Variants in STPG2 observed in about 807,000 individuals in gnomAD.
STPG2 encodes sperm tail PG-rich repeat containing 2.
In STPG2, 56 loss-of-function variants were observed where a neutral mutation model predicts 54.2. That is an observed-to-expected ratio of 1.03 (90% CI 0.83 to 1.29). The LOEUF is 1.29. STPG2 is among the 50% of genes most tolerant of loss of function. The probability of loss-of-function intolerance (pLI) is 0.00; values close to 1 mark genes in which losing one functional copy is unlikely to be tolerated. For missense variants in STPG2, 596 were observed against 544.9 expected, an observed-to-expected ratio of 1.09 and a Z score of -0.93; for synonymous variants, 200 against 181.8, an observed-to-expected ratio of 1.10 and a Z score of -0.81.
intron 5 of STPG2, among the ~76,000 whole-genome samples, chr4:98,080,566 T>C (rs1413203914): frequency 6.6e-6 from 1 of 152,158 alleles, no homozygotes; most frequent in Admixed American, 6.5e-5. Context: ...CAAATATACA[T>C]ACATACACAC....
intron 4 of STPG2, among the ~76,000 whole-genome samples, chr4:97,529,428 T>C (rs926651691): frequency 2.0e-5 from 3 of 152,184 alleles, no homozygotes; most frequent in African/African-American, 7.2e-5. Flanking sequence ...ATCAGGAATA[T>C]TGGCCTGAAA....
chr4:97,838,239 A>G (rs563899049), intron 9 of STPG2, among the ~76,000 whole-genome samples: 2 of 151,504 alleles, frequency 1.3e-5, no homozygotes, highest in Admixed American at 6.6e-5. Context: ...AATAGGGTAA[A>G]GAAACTTCTT....
intron 5 of STPG2, among the ~76,000 whole-genome samples, chr4:98,026,865 GTT>G (rs1736440702): frequency 6.6e-6 from 1 of 152,130 alleles, no homozygotes; most frequent in African/African-American, 2.4e-5. Flanking sequence ...TACATAAGCT[GTT>G]TTAGTATAGA....
At chr4:98,093,055 T>A (rs1738737483) in intron 5 of STPG2, among the ~76,000 whole-genome samples, 2 of 152,206 alleles carry the variant, frequency 1.3e-5, no homozygotes. Context: ...AGTGAAACTG[T>A]ACTCAGTTAT....
intron 9 of STPG2, among the ~76,000 whole-genome samples, chr4:97,786,878 T>C (rs1315661645): frequency 6.6e-6 from 1 of 152,134 alleles, no homozygotes; most frequent in African/African-American, 2.4e-5. Context: ...TAACTATTGT[T>C]GTTAATCTCT....
At chr4:97,741,871 C>T (rs917159653) in intron 9 of STPG2, among the ~76,000 whole-genome samples, 6 of 152,096 alleles carry the variant, frequency 3.9e-5, no homozygotes, top group Non-Finnish European at 7.3e-5. Flanking sequence ...TGGGTATATA[C>T]CCAAAGGACT....
At position 97,957,866 on chromosome 4, in the gene STPG2, G is replaced by A. The variant is rs1285846619; in HGVS notation, c.934-13859C>T. Among the ~76,000 whole-genome samples, 3 of 152,096 alleles carry A rather than the reference G, an allele frequency of 2.0e-5. No homozygotes were observed. In the East Asian group the frequency reaches 5.8e-4, roughly 29 times the overall value. ...ATACAACCTTTTCAGACAAACAAAT[G>A]CTGAGAGAATTTGCCACTACCAGGC... is the stretch of plus-strand genomic sequence containing the variant. On this transcript the variant is annotated intron_variant, in intron 7 of 10. Transcript: ENST00000295268.
chr4:97,919,519 CA>C (rs566881971), intron 8 of STPG2, among the ~76,000 whole-genome samples: 2 of 149,284 alleles, frequency 1.3e-5, no homozygotes, highest in Non-Finnish European at 1.5e-5. Flanking sequence ...TTCATAAACA[CA>C]AAAAAAAGAA....
intron 9 of STPG2, among the ~76,000 whole-genome samples, chr4:97,764,922 TC>T (rs1426820641): frequency 6.6e-6 from 1 of 152,128 alleles, no homozygotes; most frequent in African/African-American, 2.4e-5. Context: ...TGCTAGAACC[TC>T]CTCCATACAG....
chr4:97,948,373 T>C (rs1733329164), intron 7 of STPG2, among the ~76,000 whole-genome samples: 1 of 152,106 alleles, frequency 6.6e-6, no homozygotes, highest in East Asian at 1.9e-4. Context: ...GGAACCAACT[T>C]TTTGTTTCAT....
chr4:97,828,397 C>A (rs991914417), intron 9 of STPG2, among the ~76,000 whole-genome samples: 3 of 152,162 alleles, frequency 2.0e-5, no homozygotes, highest in Non-Finnish European at 1.5e-5. Context: ...AACCCGCAGA[C>A]CAGGAGATTC....
intron 8 of STPG2, among the ~76,000 whole-genome samples, chr4:97,904,182 G>A (rs1731301673): frequency 2.0e-5 from 3 of 152,226 alleles, no homozygotes; most frequent in South Asian, 4.1e-4. Flanking sequence ...AGTAACCTCT[G>A]CAGACTTAAA....
chr4:97,816,682 G>A (rs1727921371), intron 9 of STPG2, among the ~76,000 whole-genome samples: 1 of 151,918 alleles, frequency 6.6e-6, no homozygotes, highest in Non-Finnish European at 1.5e-5. Context: ...GCAGAGAAAG[G>A]GAGAATCAAT....
chr4:97,902,741 C>T (rs1015445711), intron 8 of STPG2, among the ~76,000 whole-genome samples: 1 of 152,042 alleles, frequency 6.6e-6, no homozygotes, highest in African/African-American at 2.4e-5. Flanking sequence ...TATAGAGGCT[C>T]CTCAAAATAT....
At chr4:97,810,152 G>GACT (rs1727690519) in intron 9 of STPG2, among the ~76,000 whole-genome samples, 1 of 151,960 alleles carries the variant, frequency 6.6e-6, no homozygotes, top group African/African-American at 2.4e-5. Flanking sequence ...TTTACATATG[G>GACT]ACTAAATCCT....
chr4:97,959,388 A>G (rs1308686460), intron 7 of STPG2, among the ~76,000 whole-genome samples: 1 of 152,026 alleles, frequency 6.6e-6, no homozygotes, highest in East Asian at 1.9e-4. Context: ...GAATAAATGA[A>G]ATTGAAACTA....
At chr4:97,564,226 G>A (rs1412536881) in intron 10 of STPG2, among the ~76,000 whole-genome samples, 2 of 152,096 alleles carry the variant, frequency 1.3e-5, no homozygotes, top group South Asian at 2.1e-4. Flanking sequence ...TTGGTTTAAA[G>A]TCTGTTTTAT....
chr4:98,081,141 G>A (rs999703546), intron 5 of STPG2, among the ~76,000 whole-genome samples: 1 of 152,152 alleles, frequency 6.6e-6, no homozygotes, highest in Non-Finnish European at 1.5e-5. Context: ...TATTCTGTGA[G>A]GGTCAAGTCT....
chr4:97,724,453 T>C (rs1724555775), intron 9 of STPG2, among the ~76,000 whole-genome samples: 2 of 152,178 alleles, frequency 1.3e-5, no homozygotes, highest in South Asian at 4.1e-4. Flanking sequence ...TTTTTTCTTA[T>C]TTAATCCTAG....
Sources: gnomAD v4.1 joint callset for allele counts (sites outside exome capture counted in the v4.1 genomes callset) on GRCh38, gnomAD v4.1.1 for gene constraint, MANE v1.5 for transcripts, NCBI Gene and HGNC (gene_info 2026-07-23, HGNC 2026-07-21) for gene names.